CCDC82: variants seen among roughly 807,000 people sequenced by gnomAD.
CCDC82 encodes the protein coiled-coil domain containing 82, also known as coiled-coil domain-containing protein 82.
CCDC82 carries 47 observed loss-of-function variants against 60.6 expected under a neutral mutation model. That is an observed-to-expected ratio of 0.77 (90% CI 0.61 to 0.99). The LOEUF (loss-of-function observed/expected upper bound fraction) is 0.99. CCDC82 is among the 50% of genes least tolerant of loss of function. The pLI is 0.00. For synonymous variants in CCDC82, 212 were observed against 207.4 expected (o/e 1.02, Z -0.19); for missense variants, 588 against 633.0 (o/e 0.93, Z 0.76).
chr11:96,372,758 A>C (rs1275680585), intron 6 of CCDC82, among the ~76,000 whole-genome samples: 5 of 146,722 alleles, frequency 3.4e-5, no homozygotes, highest in Non-Finnish European at 7.5e-5. Context: ...ATATTTATAT[A>C]TATATTTATA....
chr11:96,367,817 TTTC>T (rs1425464275), intron 7 of CCDC82, among the ~76,000 whole-genome samples: 1 of 138,136 alleles, frequency 7.2e-6, no homozygotes, highest in Non-Finnish European at 1.6e-5. Context: ...ATGAAATGTA[TTTC>T]TTTTTTTTTT....
In CCDC82 at chr11:96,359,076, T is replaced by A. The variant is rs1430082307; in HGVS notation, c.1483A>T (p.Thr495Ser). Reference protein sequence around the residue: ...LYQECCTIAMTEEVEDEQVKE... With the variant: ...LYQECCTIAMSEEVEDEQVKE... ...ACTTGTTCATCTTCAACTTCTTCTG[T>A]CATTGCAATGGTGCAACATTCCTGG... The change falls in exon 9 of 10, where the codon ACA becomes TCA. Residue 495 changes from threonine (T) to serine (S), a missense_variant. Transcript: ENST00000646818. The A allele has an allele frequency of 5.0e-6, 8 of 1,607,570 alleles. No individual in the cohort carries two copies. Among genetic ancestry groups the A allele is most frequent in the Non-Finnish European group, 6.8e-6 (8 of 1,178,442 alleles).
chr11:96,358,404 C>G (rs963837503), intron 9 of CCDC82: 1 of 1,226,330 alleles, frequency 8.2e-7, no homozygotes. Flanking sequence ...CCACTTTACT[C>G]CTGTTATCAA....
At chr11:96,357,033 A>C in intron 9 of CCDC82, 4 of 985,452 alleles carry the variant, frequency 4.1e-6, no homozygotes, top group Non-Finnish European at 4.8e-6. Context: ...GGCATTCTAA[A>C]GGGTTAGAGT....
chr11:96,362,143 A>C (rs1864693946), intron 8 of CCDC82, among the ~76,000 whole-genome samples: 1 of 152,230 alleles, frequency 6.6e-6, no homozygotes, highest in South Asian at 2.1e-4. Flanking sequence ...ATGGAGTGTA[A>C]ATTAAATCTA....
intron 1 of CCDC82, chr11:96,389,089 C>T (rs1866382113): frequency 6.6e-6 from 1 of 152,128 alleles, no homozygotes; most frequent in Non-Finnish European, 1.5e-5. Flanking sequence ...TATCATAGTT[C>T]TTCTATTGGC....
rs1300443947 is a variant in CCDC82, at chr11:96,386,276, A to G, written c.-37T>C. ...TACCGGACTATGTTTCCAGCTTTCC[A>G]AGAGGATTACTTTTTTCCTATAGAT... On this transcript the variant is annotated 5_prime_UTR_variant, in exon 3 of 10. Coordinates refer to ENST00000646818, the MANE Select transcript of CCDC82 (RefSeq NM_024725.4). The G allele has an allele frequency of 6.6e-6, 1 of 152,542 alleles. No homozygotes were observed. Among genetic ancestry groups the G allele is most frequent in the Non-Finnish European group, 1.5e-5 (1 of 68,036 alleles). 9.4% of individuals were successfully genotyped at this position (152,542 alleles called of 1,614,324 possible).
At chr11:96,372,715 T>C (rs1432465341) in intron 6 of CCDC82, among the ~76,000 whole-genome samples, 1 of 144,850 alleles carries the variant, frequency 6.9e-6, no homozygotes, top group African/African-American at 2.5e-5. Flanking sequence ...TATATACATA[T>C]ATATTTATAT....
At chr11:96,385,043 T>C (rs1302130469) in intron 3 of CCDC82, 1 of 225,468 alleles carries the variant, frequency 4.4e-6, no homozygotes, top group Non-Finnish European at 8.6e-6. Flanking sequence ...TTATTATCTA[T>C]ATGTAGAACT....
In CCDC82 at chr11:96,380,244, A is replaced by G. The variant is rs115255969; in HGVS notation, c.991+3025T>C. 1.5e-3 allele frequency among the ~76,000 whole-genome samples: 230 copies of G among 151,898 alleles called. 1 individual carries two copies. The highest frequency in any genetic ancestry group is 5.3e-3 in the African/African-American group (220 of 41,542). On this transcript the variant is annotated intron_variant, in intron 5 of 9. Coordinates refer to ENST00000646818, the MANE Select transcript of CCDC82 (RefSeq NM_024725.4). ...AAAGATAAAATTTAAAATAGTAGCT[A>G]ATGGAACATGCCAACTCAAAGGAGG...
chr11:96,384,524 C>G lies in CCDC82; in HGVS notation c.224G>C (p.Cys75Ser), dbSNP rs370993097. ...EELDSNKGPD[C>S]NKTPGSEREL... ...TCTTTCACTTCCTGGTGTTTTATTA[C>G]AATCAGGTCCCTTGTTACTATCAAG... Residue 75 changes from cysteine (C) to serine (S), a missense_variant, in exon 4 of 10, where the codon TGT (cysteine) becomes TCT (serine). Transcript: ENST00000646818. 2 of 1,613,636 alleles carry G rather than the reference C, an allele frequency of 1.2e-6. No individual in the cohort carries two copies. Among genetic ancestry groups the G allele is most frequent in the Admixed American group, 3.3e-5 (2 of 59,972 alleles).
At chr11:96,356,460 T>A in intron 9 of CCDC82, 1 of 985,438 alleles carries the variant, frequency 1.0e-6, no homozygotes, top group South Asian at 4.7e-5. Context: ...TCTATTGACA[T>A]GCTTTCTTTA....
intron 7 of CCDC82, among the ~76,000 whole-genome samples, chr11:96,365,878 C>T (rs1219199310): frequency 5.3e-5 from 8 of 151,622 alleles, no homozygotes; most frequent in African/African-American, 1.9e-4. Context: ...ATTTGAACTG[C>T]ACACAGTGAG....
At chr11:96,383,624 T>G (rs1300101895) in intron 4 of CCDC82, 151 bp from the exon 5 acceptor site, 1 of 570,398 alleles carries the variant, frequency 1.8e-6, no homozygotes, top group Non-Finnish European at 2.9e-6. Flanking sequence ...TTTTGTCATA[T>G]TAAATGCTGA....
intron 5 of CCDC82, among the ~76,000 whole-genome samples, chr11:96,374,783 T>C (rs1565314126): frequency 1.3e-5 from 2 of 152,074 alleles, no homozygotes; most frequent in African/African-American, 2.4e-5. Context: ...CTCAAAAAAT[T>C]AATATTGTTG....
chr11:96,365,394 A>C (rs1033178270), intron 7 of CCDC82, among the ~76,000 whole-genome samples: 1 of 152,172 alleles, frequency 6.6e-6, no homozygotes, highest in African/African-American at 2.4e-5. Flanking sequence ...CTAGTTTCAT[A>C]TCTCTTACAC....
chr11:96,380,364 G>A (rs1021134538), intron 5 of CCDC82, among the ~76,000 whole-genome samples: 1 of 151,718 alleles, frequency 6.6e-6, no homozygotes, highest in African/African-American at 2.4e-5. Context: ...AGAGCCGAAT[G>A]AGAAGCTGTA....
intron 5 of CCDC82, among the ~76,000 whole-genome samples, chr11:96,379,086 T>A (rs1865735121): frequency 6.6e-6 from 1 of 151,962 alleles, no homozygotes; most frequent in African/African-American, 2.4e-5. Flanking sequence ...TGAATATGAT[T>A]CGTTGGCAGG....
At chr11:96,362,461 A>G (rs1338888601) in intron 8 of CCDC82, among the ~76,000 whole-genome samples, 1 of 152,164 alleles carries the variant, frequency 6.6e-6, no homozygotes, top group East Asian at 1.9e-4. Flanking sequence ...CATATTATAC[A>G]ATGCCATTTG....
Sources: allele counts gnomAD v4.1 joint callset (sites outside exome capture counted in the v4.1 genomes callset), GRCh38; gene constraint gnomAD v4.1.1; transcripts MANE v1.5; gene names NCBI Gene and HGNC (gene_info 2026-07-23, HGNC 2026-07-21).